ITGA9: variants seen among roughly 807,000 people sequenced by gnomAD.
ITGA9 encodes the protein integrin alpha-9.
ITGA9 carries 56 observed loss-of-function variants against 127.8 expected under a neutral mutation model. The observed-to-expected ratio is 0.44, with a 90% CI of 0.35 to 0.55. The LOEUF is 0.55. Ranked by LOEUF, ITGA9 falls within the 20% of genes least tolerant of loss-of-function variation. The pLI is 0.00. For missense variants in ITGA9, 1,196 were observed against 1,347.1 expected (o/e 0.89, Z 1.76); for synonymous variants, 508 against 514.5 (o/e 0.99, Z 0.17).
chr3:37,677,054 C>T (rs1700689147), intron 17 of ITGA9, among the ~76,000 whole-genome samples: 1 of 152,136 alleles, frequency 6.6e-6, no homozygotes, highest in Non-Finnish European at 1.5e-5. Flanking sequence ...TATCTTTTCC[C>T]TGAGTTTCTC....
At chr3:37,498,934 G>A (rs1392100541) in intron 5 of ITGA9, among the ~76,000 whole-genome samples, 3 of 152,196 alleles carry the variant, frequency 2.0e-5, no homozygotes, top group Admixed American at 6.5e-5. Context: ...TGCTGACCTC[G>A]CCACTTGGGC....
At chr3:37,649,215 T>C (rs1170749878) in intron 16 of ITGA9, among the ~76,000 whole-genome samples, 1 of 150,282 alleles carries the variant, frequency 6.7e-6, no homozygotes, top group African/African-American at 2.4e-5. Flanking sequence ...ATGGCAATAG[T>C]AAATCTGTCT....
intron 13 of ITGA9, among the ~76,000 whole-genome samples, chr3:37,527,147 T>C (rs1699101751): frequency 2.0e-5 from 3 of 152,220 alleles, no homozygotes. Flanking sequence ...ATACAGATGC[T>C]CCTTGACTTA....
chr3:37,597,603 C>T lies in ITGA9; in HGVS notation c.1690-31584C>T, dbSNP rs1699881108. 6.6e-6 allele frequency among the ~76,000 whole-genome samples: 1 copy of T among 152,148 alleles called. No individual in the cohort carries two copies. The highest frequency in any genetic ancestry group is 2.4e-5 in the African/African-American group (1 of 41,432). On this transcript the variant is annotated intron_variant, in intron 15 of 27. Transcript: ENST00000264741. This position sits in a 1 kb window ranked among gnomAD's most constrained non-coding sequence, Gnocchi z 4.6. Reference sequence around the variant, plus strand: ...GAGGTGCACCTGTCCGTAGTAAGTACTCAGTAAATGACTGGTGAATGAATG... The same window carrying T: ...GAGGTGCACCTGTCCGTAGTAAGTATTCAGTAAATGACTGGTGAATGAATG...
intron 17 of ITGA9, among the ~76,000 whole-genome samples, chr3:37,659,945 C>T (rs767413091): frequency 8.6e-5 from 13 of 151,526 alleles, no homozygotes; most frequent in Non-Finnish European, 1.5e-4. Flanking sequence ...ACTAAGATTC[C>T]TTTTCTTCAG....
At position 37,750,462 on chromosome 3, in the gene ITGA9, G is replaced by A; in HGVS notation, c.2434G>A (p.Val812Ile). 6.3e-7 allele frequency: 1 copy of A among 1,592,418 alleles called. No homozygotes were observed. Among genetic ancestry groups the A allele is most frequent in the Non-Finnish European group, 8.6e-7 (1 of 1,160,142 alleles). Residue 812 changes from valine (V) to isoleucine (I), a missense_variant and splice_region_variant, in exon 23 of 28, where the codon GTC (valine) becomes ATC (isoleucine). Physicochemically the swap from Val to Ile is conservative, Grantham distance 29. Coordinates refer to ENST00000264741, the MANE Select transcript of ITGA9 (RefSeq NM_002207.3). ...TGCTGTGTGTGTTCCACACCCACAG[G>A]TCTACAACACTGGCCCAAGCACCCT... ...HFQPINITLQ[V>I]YNTGPSTLPG... is the part of the protein sequence containing the mutation.
At chr3:37,702,477 T>C (rs743393) in intron 18 of ITGA9, among the ~76,000 whole-genome samples, 107,745 of 152,010 alleles carry the variant, frequency 0.71, 38,931 homozygotes, top group African/African-American at 0.85. Flanking sequence ...TATCAGTTTT[T>C]CTCTGGGAGG....
At chr3:37,561,204 C>A (rs1006592554) in intron 15 of ITGA9, among the ~76,000 whole-genome samples, 5 of 152,084 alleles carry the variant, frequency 3.3e-5, no homozygotes, top group African/African-American at 1.2e-4. Flanking sequence ...CCAATATAGC[C>A]AAAATGTTAT....
intron 17 of ITGA9, among the ~76,000 whole-genome samples, chr3:37,654,265 C>G (rs1450489752): frequency 6.6e-6 from 1 of 151,580 alleles, no homozygotes; most frequent in Non-Finnish European, 1.5e-5. Flanking sequence ...ATTTCTGTGG[C>G]AGGAGAGGGC....
At chr3:37,770,098 C>T (rs1696825305) in intron 23 of ITGA9, among the ~76,000 whole-genome samples, 2 of 152,174 alleles carry the variant, frequency 1.3e-5, no homozygotes, top group Admixed American at 1.3e-4. Context: ...TGTCACATCC[C>T]TGATAAATGT....
At chr3:37,702,438 A>G (rs1700957391) in intron 18 of ITGA9, among the ~76,000 whole-genome samples, 1 of 152,100 alleles carries the variant, frequency 6.6e-6, no homozygotes, top group Non-Finnish European at 1.5e-5. Flanking sequence ...AGGTGGTTAG[A>G]GCTGTGTATT....
intron 15 of ITGA9, among the ~76,000 whole-genome samples, chr3:37,598,965 T>C (rs1470717167): frequency 6.6e-6 from 1 of 152,194 alleles, no homozygotes; most frequent in East Asian, 1.9e-4. Flanking sequence ...TGCAGACATC[T>C]GGAAAGAATT....
chr3:37,521,953 G>A (rs1699048423), intron 11 of ITGA9, among the ~76,000 whole-genome samples: 1 of 152,122 alleles, frequency 6.6e-6, no homozygotes, highest in Non-Finnish European at 1.5e-5. Flanking sequence ...AACGGAGGAT[G>A]GCAAGCAGCC....
chr3:37,529,022 T>C (rs1436143940), intron 13 of ITGA9, among the ~76,000 whole-genome samples: 1 of 152,208 alleles, frequency 6.6e-6, no homozygotes, highest in Non-Finnish European at 1.5e-5. Context: ...TGGACTCTTG[T>C]TTCTGGCCTC....
At chr3:37,556,019 G>A (rs192121203) in intron 15 of ITGA9, among the ~76,000 whole-genome samples, 316 of 152,368 alleles carry the variant, frequency 2.1e-3, no homozygotes, top group Admixed American at 5.0e-3. Flanking sequence ...GCCTTTTAGC[G>A]TAGAAAAGCC....
intron 15 of ITGA9, among the ~76,000 whole-genome samples, chr3:37,582,647 GACTA>G (rs1383259325): frequency 1.3e-5 from 2 of 152,188 alleles, no homozygotes; most frequent in South Asian, 2.1e-4. Context: ...GGTGGGGGTA[GACTA>G]ACTATCTGGT....
intron 23 of ITGA9, among the ~76,000 whole-genome samples, chr3:37,752,792 G>A (rs944631648): frequency 6.6e-6 from 1 of 152,232 alleles, no homozygotes. Context: ...TTTTGTGTTT[G>A]CCCAAAGCAT....
intron 18 of ITGA9, among the ~76,000 whole-genome samples, chr3:37,700,430 T>C (rs1010990049): frequency 1.1e-4 from 16 of 152,202 alleles, no homozygotes; most frequent in Admixed American, 9.8e-4. Context: ...CTTGGCTCAC[T>C]GCAACCTCCA....
intron 15 of ITGA9, among the ~76,000 whole-genome samples, chr3:37,562,572 C>A (rs1281798208): frequency 6.6e-6 from 1 of 152,206 alleles, no homozygotes; most frequent in African/African-American, 2.4e-5. Flanking sequence ...CACGGAGGTT[C>A]AGTGGTTGTT....
Sources: gnomAD v4.1 joint callset for allele counts (sites outside exome capture counted in the v4.1 genomes callset) on GRCh38, gnomAD v4.1.1 for gene constraint, Gnocchi (gnomAD v3.1) non-coding constraint, MANE v1.5 for transcripts, NCBI Gene and HGNC (gene_info 2026-07-23, HGNC 2026-07-21) for gene names.